Variants in KCNK1 observed in about 807,000 individuals in gnomAD.
KCNK1 encodes potassium two pore domain channel subfamily K member 1.
In KCNK1, 10 loss-of-function variants were observed where a neutral mutation model predicts 22.2. The ratio of observed to expected loss-of-function variants is 0.45; its 90% CI spans 0.28 to 0.76. The LOEUF (loss-of-function observed/expected upper bound fraction) is 0.76, where lower values mean the gene tolerates loss of function less well. Ranked by LOEUF, KCNK1 falls within the 30% of genes least tolerant of loss-of-function variation. The pLI, the probability that KCNK1 is intolerant of heterozygous loss-of-function variation, is 0.14. For missense variants in KCNK1, 378 were observed against 421.0 expected (o/e 0.90, Z 0.89); for synonymous variants, 200 against 186.4 (o/e 1.07, Z -0.60).
rs1410863791 is a variant in KCNK1, at chr1:233,671,372, G to A, written c.853G>A (p.Asp285Asn). 5.6e-6 allele frequency: 9 copies of A among 1,614,164 alleles called. No individual in the cohort carries two copies. Among genetic ancestry groups the A allele is most frequent in the Non-Finnish European group, 6.8e-6 (8 of 1,180,016 alleles). ...CAGAAAAATGTTCTATGTGAAGAAG[G>A]ACAAGGACGAGGATCAGGTGCACAT... Reference protein sequence around the residue: ...KFRKMFYVKKDKDEDQVHIIE... With the variant: ...KFRKMFYVKKNKDEDQVHIIE... The change falls in exon 3 of 3, where the codon GAC (aspartate) becomes AAC (asparagine). Residue 285 changes from aspartate (D) to asparagine (N), a missense_variant. Coordinates refer to ENST00000366621, the MANE Select transcript of KCNK1 (RefSeq NM_002245.4).
intron 1 of KCNK1, among the ~76,000 whole-genome samples, chr1:233,643,144 G>A (rs1658032645): frequency 6.6e-6 from 1 of 152,046 alleles, no homozygotes; most frequent in Non-Finnish European, 1.5e-5. Flanking sequence ...GCTGATCTCT[G>A]AGCCACAGCA....
chr1:233,619,153 G>T (rs1657534840), intron 1 of KCNK1, among the ~76,000 whole-genome samples: 1 of 151,858 alleles, frequency 6.6e-6, no homozygotes, highest in Non-Finnish European at 1.5e-5. Flanking sequence ...GAGGAGCTGG[G>T]ACTACAGGCG....
chr1:233,646,396 G>A (rs1044542960), intron 1 of KCNK1, among the ~76,000 whole-genome samples: 9 of 152,246 alleles, frequency 5.9e-5, no homozygotes, highest in Admixed American at 2.0e-4. Flanking sequence ...TGTAAGCACC[G>A]TATTTAAAGG....
intron 1 of KCNK1, among the ~76,000 whole-genome samples, chr1:233,625,245 T>C (rs1657667882): frequency 6.6e-6 from 1 of 152,204 alleles, no homozygotes; most frequent in Admixed American, 6.5e-5. Flanking sequence ...GTCTGGAATC[T>C]TCTCGGCCTC....
At chr1:233,627,469 ACTGACTCAGAAATT>A (rs56284046) in intron 1 of KCNK1, among the ~76,000 whole-genome samples, 5,043 of 152,288 alleles carry the variant, frequency 0.033, 135 homozygotes, top group Non-Finnish European at 0.055. Context: ...TAGGTGTCAG[ACTGACTCAGAAATT>A]CTGACTCAGA....
intron 1 of KCNK1, chr1:233,630,684 G>T (rs1350431715): frequency 6.6e-6 from 1 of 152,260 alleles, no homozygotes; most frequent in East Asian, 1.9e-4. Context: ...TTTCCTTCTT[G>T]TTACTTTATT....
At chr1:233,661,773 CAAAA>C (rs1251660858) in intron 1 of KCNK1, 1 of 151,864 alleles carries the variant, frequency 6.6e-6, no homozygotes, top group Non-Finnish European at 1.5e-5. Flanking sequence ...GTATGGCTGT[CAAAA>C]AAGGGAATTA....
chr1:233,657,691 A>T (rs1469657915), intron 1 of KCNK1, among the ~76,000 whole-genome samples: 1 of 147,078 alleles, frequency 6.8e-6, no homozygotes, highest in Non-Finnish European at 1.5e-5. Context: ...GAAAGAAAAG[A>T]AAGAAAGAGA....
At chr1:233,639,401 A>G (rs1399218129) in intron 1 of KCNK1, among the ~76,000 whole-genome samples, 10 of 152,240 alleles carry the variant, frequency 6.6e-5, no homozygotes, top group Admixed American at 6.5e-4. Context: ...GGATGTGAAT[A>G]TCAGAACCAA....
chr1:233,627,241 T>C (rs1459892592), intron 1 of KCNK1, among the ~76,000 whole-genome samples: 1 of 152,234 alleles, frequency 6.6e-6, no homozygotes, highest in African/African-American at 2.4e-5. Flanking sequence ...ATCTTCTTTA[T>C]TTCCCTCAAA....
intron 1 of KCNK1, among the ~76,000 whole-genome samples, chr1:233,654,066 T>G (rs2102903322): frequency 6.6e-6 from 1 of 152,190 alleles, no homozygotes; most frequent in Non-Finnish European, 1.5e-5. Flanking sequence ...AAGAAAGCCT[T>G]AATCCTCCTA....
chr1:233,646,767 A>G (rs1427879943), intron 1 of KCNK1, among the ~76,000 whole-genome samples: 5 of 152,154 alleles, frequency 3.3e-5, no homozygotes, highest in Non-Finnish European at 7.4e-5. Context: ...AAAGTGTTTC[A>G]GGCAGAACAG....
At chr1:233,641,196 T>G (rs1657994097) in intron 1 of KCNK1, among the ~76,000 whole-genome samples, 2 of 152,202 alleles carry the variant, frequency 1.3e-5, no homozygotes, top group African/African-American at 4.8e-5. Context: ...CACCAGGTGT[T>G]TTCACTCTAC....
intron 1 of KCNK1, among the ~76,000 whole-genome samples, chr1:233,635,846 GT>G (rs1657887273): frequency 1.3e-5 from 2 of 152,180 alleles, no homozygotes; most frequent in Admixed American, 1.3e-4. Flanking sequence ...CATAAAATAA[GT>G]GTTAAGAAAA....
Position 233,614,442 on chromosome 1 carries a change from T to C in KCNK1, c.271T>C (p.Ser91Pro). Residue 91 changes from serine to proline, a missense_variant, in exon 1 of 3, where the codon TCG becomes CCG. Transcript: ENST00000366621. ...RVLEASNYGV[S>P]VLSNASGNWN... ...GCTGGAGGCCAGCAACTACGGCGTG[T>C]CGGTGCTCAGCAACGCCTCGGGCAA... The C allele has an allele frequency of 6.2e-7, 1 of 1,613,374 alleles. No homozygotes were observed. Among genetic ancestry groups the C allele is most frequent in the Non-Finnish European group, 8.5e-7 (1 of 1,179,794 alleles).
At chr1:233,652,569 A>G (rs969113488) in intron 1 of KCNK1, among the ~76,000 whole-genome samples, 4 of 152,090 alleles carry the variant, frequency 2.6e-5, no homozygotes, top group African/African-American at 9.7e-5. Flanking sequence ...TCATTTTTTC[A>G]TTGGAATGCT....
chr1:233,655,994 C>T (rs1203814867), intron 1 of KCNK1, among the ~76,000 whole-genome samples: 6 of 151,916 alleles, frequency 3.9e-5, no homozygotes, highest in South Asian at 2.1e-4. Context: ...TTCAGTTAAT[C>T]GTAAAGCATT....
rs558687272 is a variant in KCNK1, at chr1:233,666,588, C to A, written c.356-7C>A. ...TCTTCGCCTCAGTGACCTTGTTCTC[C>A]TTGCAGGTTATGGCCACACCGTGCC... On this transcript the variant is annotated splice_region_variant and splice_polypyrimidine_tract_variant and intron_variant, in intron 1 of 2. Coordinates refer to ENST00000366621, the MANE Select transcript of KCNK1 (RefSeq NM_002245.4). 118 of 1,589,678 alleles carry A rather than the reference C, an allele frequency of 7.4e-5. 1 individual carries two copies. The South Asian group carries it at 1.3e-3, about 18-fold the overall frequency.
chr1:233,656,155 G>A (rs1658291954), intron 1 of KCNK1, among the ~76,000 whole-genome samples: 1 of 152,198 alleles, frequency 6.6e-6, no homozygotes, highest in Non-Finnish European at 1.5e-5. Flanking sequence ...AGGATGGCTA[G>A]ATAACAGAAA....
Sources: gnomAD v4.1 joint callset for allele counts (sites outside exome capture counted in the v4.1 genomes callset) on GRCh38, gnomAD v4.1.1 for gene constraint, MANE v1.5 for transcripts, NCBI Gene and HGNC (gene_info 2026-07-23, HGNC 2026-07-21) for gene names.